The following LLGL2 variants were observed in gnomAD, a reference collection of about 807,000 sequenced individuals.
LLGL2 encodes the protein LLGL2, scribble cell polarity complex component.
In LLGL2, 81 loss-of-function variants were observed where a neutral mutation model predicts 123.2. The ratio of observed to expected loss-of-function variants is 0.66; its 90% CI spans 0.55 to 0.79. The LOEUF (loss-of-function observed/expected upper bound fraction) is 0.79, where lower values mean the gene tolerates loss of function less well. LLGL2 is among the 30% of genes least tolerant of loss of function. The pLI is 0.00. For synonymous variants in LLGL2, 577 were observed against 594.1 expected, an observed-to-expected ratio of 0.97 and a Z score of 0.42; for missense variants, 1,273 against 1,414.6, an observed-to-expected ratio of 0.90 and a Z score of 1.61.
intron 1 of LLGL2, among the ~76,000 whole-genome samples, chr17:75,537,835 GTCTC>G (rs1232555860): frequency 7.3e-6 from 1 of 136,706 alleles, no homozygotes; most frequent in Non-Finnish European, 1.5e-5. Context: ...TTTTGAGACA[GTCTC>G]TCTCTGTTGC....
Position 75,539,359 on chromosome 17 carries a change from CCTTT to C in LLGL2, c.-30-4033_-30-4030del, listed in dbSNP as rs531137502. Among the ~76,000 whole-genome samples, 65 of 151,632 alleles carry C rather than the reference CCTTT, an allele frequency of 4.3e-4. No individual in the cohort carries two copies. The South Asian group carries it at 0.014, about 32-fold the overall frequency. ...AGCATGAGCCACTGTGCCCAGCCCT[CCTTT>C]CTTTTCAAAATTTTTATTGTTCCAT... is the stretch of plus-strand genomic sequence containing the variant. On this transcript the variant is annotated intron_variant, in intron 1 of 25. Coordinates refer to ENST00000392550, the MANE Select transcript of LLGL2 (RefSeq NM_001031803.2).
At chr17:75,534,791 A>G (rs527836276) in intron 1 of LLGL2, among the ~76,000 whole-genome samples, 10 of 152,246 alleles carry the variant, frequency 6.6e-5, no homozygotes, top group African/African-American at 9.6e-5. Context: ...AAGGACTTGG[A>G]CTCTTGACTG....
At chr17:75,555,865 A>G (rs2054887359) in intron 2 of LLGL2, among the ~76,000 whole-genome samples, 181 bp from the exon 3 acceptor site, 1 of 151,610 alleles carries the variant, frequency 6.6e-6, no homozygotes, top group Non-Finnish European at 1.5e-5. Flanking sequence ...AGAGTCACAA[A>G]GGGACAGGGG....
At chr17:75,548,624 C>T (rs990548226) in intron 2 of LLGL2, among the ~76,000 whole-genome samples, 9 of 151,746 alleles carry the variant, frequency 5.9e-5, no homozygotes, top group Middle Eastern at 3.4e-3. Flanking sequence ...GGCATGGTGG[C>T]GCACACCTGT....
rs1301906659 is a variant in LLGL2 at position 75,574,937 on chromosome 17, G to A, written c.*59G>A. 1.2e-6 allele frequency: 2 copies of A among 1,613,092 alleles called. No individual in the cohort carries two copies. Among genetic ancestry groups the A allele is most frequent in the Non-Finnish European group, 1.7e-6 (2 of 1,179,576 alleles). On this transcript the variant is annotated 3_prime_UTR_variant, in exon 26 of 26. Coordinates refer to ENST00000392550, the MANE Select transcript of LLGL2 (RefSeq NM_001031803.2). ...CACTACTACTGATGGCCTTTCGGGG[G>A]TCCCTGCCCCAACCGGAGAGGCCGG...
chr17:75,530,509 G>T (rs991647723), intron 1 of LLGL2, among the ~76,000 whole-genome samples: 4 of 152,136 alleles, frequency 2.6e-5, no homozygotes, highest in African/African-American at 9.7e-5. Context: ...AATTAGCTGG[G>T]CATGGTGGTG....
At chr17:75,574,519 G>A (rs375484130) in intron 24 of LLGL2, 24 bp downstream of exon 24, 1 of 1,571,976 alleles carries the variant, frequency 6.4e-7, no homozygotes, top group Non-Finnish European at 8.6e-7. Context: ...CAGGCCAGCT[G>A]GGGTGGGCCC....
Position 75,568,487 on chromosome 17 carries a change from C to T in LLGL2, c.1048C>T (p.Pro350Ser), listed in dbSNP as rs1257566123. 6.2e-7 allele frequency: 1 copy of T among 1,612,744 alleles called. No individual in the cohort carries two copies. Among genetic ancestry groups the T allele is most frequent in the East Asian group, 2.2e-5 (1 of 44,866 alleles). The change falls in exon 11 of 26, where the codon CCC (proline) becomes TCC (serine). Residue 350 changes from proline (P) to serine (S), a missense_variant. Pro to Ser is a moderately conservative substitution (Grantham distance 74). Transcript: ENST00000392550. ...GCCCTGTACCCCAGCCTTTGACGAC[C>T]CCTATGCCCTGGTGGTGCTGGCTGA... ...EADPAATFDD[P>S]YALVVLAEEE...
In LLGL2 at chr17:75,568,830, T is replaced by A; in HGVS notation, c.1313T>A (p.Leu438Gln). The part of the protein sequence containing the change: ...LTPAPPQRDL[L>Q]LTGHEDGTVR... Reference sequence around the variant, plus strand: ...CCAGCCCCACCCCAGAGGGACCTGCTGCTCACAGGGTAGGGTACTTTGATG... The same window carrying A: ...CCAGCCCCACCCCAGAGGGACCTGCAGCTCACAGGGTAGGGTACTTTGATG... The change falls in exon 12 of 26, where the codon CTG becomes CAG. Residue 438 changes from leucine (L) to glutamine (Q), a missense_variant. Leu to Gln is a moderately radical substitution (Grantham distance 113, BLOSUM62 -2). Transcript: ENST00000392550. 1.3e-6 allele frequency: 2 copies of A among 1,589,152 alleles called. No individual in the cohort carries two copies. The highest frequency in any genetic ancestry group is 1.2e-5 in the South Asian group (1 of 86,310).
chr17:75,569,056 C>T lies in LLGL2; in HGVS notation c.1401C>T (p.Arg467=), dbSNP rs754313550. ...LRLLYKLSTV[R]VFLTDTDPNE... ...TGCTCTACAAACTCAGCACTGTGCG[C>T]GTGTTCCTCACCGACACGGACCCCA... The change falls in exon 13 of 26, where the codon CGC becomes CGT. Residue 467 remains arginine, a synonymous_variant. Coordinates refer to ENST00000392550, the MANE Select transcript of LLGL2 (RefSeq NM_001031803.2). 14 of 1,612,822 alleles carry T rather than the reference C, an allele frequency of 8.7e-6. No homozygotes were observed. Among genetic ancestry groups the T allele is most frequent in the Admixed American group, 1.7e-5 (1 of 59,906 alleles).
rs1455852781 is a variant in LLGL2, at chr17:75,564,267, C to T, written c.882-86C>T. ...TCTCCCCTGCTCCTGGGGACCTTGA[C>T]TGAGTGGTGACTTTGATTGCCGGCC... On this transcript the variant is annotated intron_variant, in intron 9 of 25. Transcript: ENST00000392550. This position sits in a 1 kb window ranked among gnomAD's most constrained non-coding sequence, Gnocchi z 4.9. The T allele has an allele frequency of 2.6e-6, 4 of 1,537,350 alleles. No individual in the cohort carries two copies. In the East Asian group the frequency reaches 9.0e-5, roughly 35 times the overall value.
Position 75,568,651 on chromosome 17 carries a change from C to A in LLGL2, c.1212C>A (p.Ile404=). 6.2e-7 allele frequency: 1 copy of A among 1,613,858 alleles called. No individual in the cohort carries two copies. Among genetic ancestry groups the A allele is most frequent in the Non-Finnish European group, 8.5e-7 (1 of 1,180,026 alleles). ...TCCCGCTGAAGCTGTGGGAGCGGAT[C>A]ATTGCCGCCGGCAGCCGGCAGAACG... The part of the protein sequence containing the change: ...SNIPLKLWER[I]IAAGSRQNAH... The change falls in exon 11 of 26, where the codon ATC becomes ATA. Residue 404 remains isoleucine, a synonymous_variant. Coordinates refer to ENST00000392550, the MANE Select transcript of LLGL2 (RefSeq NM_001031803.2).
At chr17:75,560,784 C>T (rs2055168137) in intron 6 of LLGL2, among the ~76,000 whole-genome samples, 1 of 142,084 alleles carries the variant, frequency 7.0e-6, no homozygotes, top group Non-Finnish European at 1.5e-5. Flanking sequence ...CAGCGCCTGG[C>T]CCAGTTTGTT....
At position 75,563,412 on chromosome 17, in the gene LLGL2, G is replaced by C; in HGVS notation, c.775G>C (p.Val259Leu). 1 of 1,612,776 alleles carries C rather than the reference G, an allele frequency of 6.2e-7. No individual in the cohort carries two copies. The highest frequency in any genetic ancestry group is 8.5e-7 in the Non-Finnish European group (1 of 1,180,018). ...TGACGGCAGCTACTGCCAGTGGCCC[G>C]TGTCCAGCGAAGCCCAGCAACCAGA... ...HSDGSYCQWP[V>L]SSEAQQPEPL... Residue 259 changes from valine to leucine, a missense_variant, in exon 8 of 26, where the codon GTG (valine) becomes CTG (leucine). Physicochemically the swap from Val to Leu is conservative, Grantham distance 32. Coordinates refer to ENST00000392550, the MANE Select transcript of LLGL2 (RefSeq NM_001031803.2).
At chr17:75,554,497 G>C (rs554666503) in intron 2 of LLGL2, among the ~76,000 whole-genome samples, 2 of 152,136 alleles carry the variant, frequency 1.3e-5, no homozygotes, top group East Asian at 3.9e-4. Flanking sequence ...GTGCATGCCT[G>C]TAGTCCCAGC....
intron 6 of LLGL2, among the ~76,000 whole-genome samples, chr17:75,562,037 G>T (rs2055242418): frequency 6.6e-6 from 1 of 152,226 alleles, no homozygotes; most frequent in Non-Finnish European, 1.5e-5. Context: ...TATAGATAAT[G>T]TGGAGAGCTT....
intron 1 of LLGL2, among the ~76,000 whole-genome samples, chr17:75,541,320 G>C (rs944010139): frequency 6.6e-6 from 1 of 152,230 alleles, no homozygotes; most frequent in East Asian, 1.9e-4. Context: ...CCTGGGCCCC[G>C]GGTGGGGGTG....
intron 6 of LLGL2, among the ~76,000 whole-genome samples, chr17:75,561,886 C>T (rs2055235620): frequency 6.6e-6 from 1 of 151,614 alleles, no homozygotes; most frequent in Admixed American, 6.6e-5. Context: ...CACACCACTG[C>T]ACTCCAGCCT....
chr17:75,558,023 G>T lies in LLGL2; in HGVS notation c.174-132G>T. 1.2e-6 allele frequency: 1 copy of T among 868,214 alleles called. No homozygotes were observed. 53.8% of individuals were successfully genotyped at this position (868,214 alleles called of 1,614,324 possible). A position where few individuals can be genotyped will look rare whatever the true frequency, so the allele number is the denominator to read the frequency against. ...TCCCCACCCTAGGCTCCATGCATGGGTCCTGCTGCCTCGGGGGAGGGCAGC... is the reference window on the plus strand; with the variant it reads ...TCCCCACCCTAGGCTCCATGCATGGTTCCTGCTGCCTCGGGGGAGGGCAGC... On this transcript the variant is annotated intron_variant, in intron 3 of 25. Coordinates refer to ENST00000392550, the MANE Select transcript of LLGL2 (RefSeq NM_001031803.2). This position sits in a 1 kb window ranked among gnomAD's most constrained non-coding sequence, Gnocchi z 4.0.
Sources: allele counts gnomAD v4.1 joint callset (sites outside exome capture counted in the v4.1 genomes callset), GRCh38; gene constraint gnomAD v4.1.1; non-coding constraint Gnocchi (gnomAD v3.1); transcripts MANE v1.5; gene names NCBI Gene and HGNC (gene_info 2026-07-23, HGNC 2026-07-21).